Variants in CSMD1 observed in about 807,000 individuals in gnomAD.
The protein encoded by CSMD1 is CUB and Sushi multiple domains 1, also known as CUB and sushi domain-containing protein 1.
CSMD1 carries 213 observed loss-of-function variants against 417.5 expected under a neutral mutation model. The ratio of observed to expected loss-of-function variants is 0.51; its 90% CI spans 0.46 to 0.57. CSMD1 has a LOEUF of 0.57. Ranked by LOEUF, CSMD1 falls within the 20% of genes least tolerant of loss-of-function variation. CSMD1 has a pLI of 0.00. For synonymous variants in CSMD1, 2,862 were observed against 1,736.8 expected, an observed-to-expected ratio of 1.65 and a Z score of -16.11; for missense variants, 6,923 against 4,529.7, an observed-to-expected ratio of 1.53 and a Z score of -15.17.
chr8:4,046,798 G>C (rs568113270), intron 3 of CSMD1, among the ~76,000 whole-genome samples: 1 of 152,228 alleles, frequency 6.6e-6, no homozygotes, highest in Non-Finnish European at 1.5e-5. Flanking sequence ...GGGAGCAAGT[G>C]AACTAACAAT....
intron 3 of CSMD1, among the ~76,000 whole-genome samples, chr8:4,294,533 G>C (rs549805472): frequency 6.6e-6 from 1 of 152,118 alleles, no homozygotes; most frequent in African/African-American, 2.4e-5. Flanking sequence ...TTGCAGATGA[G>C]CAAACACAAA....
At chr8:2,979,616 G>A (rs1036358997) in intron 54 of CSMD1, among the ~76,000 whole-genome samples, 3 of 152,186 alleles carry the variant, frequency 2.0e-5, no homozygotes, top group East Asian at 1.9e-4. Context: ...AATGAATCTC[G>A]GGCGGCCTCT....
At chr8:4,663,676 T>C (rs1804748334) in intron 1 of CSMD1, among the ~76,000 whole-genome samples, 2 of 152,190 alleles carry the variant, frequency 1.3e-5, no homozygotes, top group South Asian at 2.1e-4. Flanking sequence ...TCCCCAGCCA[T>C]GCTTCCGGTC....
chr8:4,894,631 T>C (rs1366174636), intron 1 of CSMD1, among the ~76,000 whole-genome samples: 2 of 152,042 alleles, frequency 1.3e-5, no homozygotes, highest in Non-Finnish European at 2.9e-5. Context: ...TTATCATTTA[T>C]CTGCAAATAT....
At chr8:4,427,677 A>C (rs1797641818) in intron 2 of CSMD1, among the ~76,000 whole-genome samples, 1 of 152,172 alleles carries the variant, frequency 6.6e-6, no homozygotes, top group African/African-American at 2.4e-5. Context: ...AGAAAATAGT[A>C]CCTATTACAT....
chr8:4,731,605 A>G (rs1351340554), intron 1 of CSMD1, among the ~76,000 whole-genome samples: 1 of 152,192 alleles, frequency 6.6e-6, no homozygotes, highest in Non-Finnish European at 1.5e-5. Context: ...AAACTGAATA[A>G]AAATCAACCC....
intron 10 of CSMD1, among the ~76,000 whole-genome samples, chr8:3,550,945 C>T (rs1248896911): frequency 1.3e-5 from 2 of 152,158 alleles, no homozygotes; most frequent in African/African-American, 4.8e-5. Flanking sequence ...TTTCTCTCAT[C>T]AGATGACAAA....
At chr8:3,453,559 T>C (rs1658693687) in intron 12 of CSMD1, among the ~76,000 whole-genome samples, 1 of 152,216 alleles carries the variant, frequency 6.6e-6, no homozygotes, top group Admixed American at 6.5e-5. Flanking sequence ...CTACCTTCAT[T>C]TCGTTATGTA....
intron 1 of CSMD1, among the ~76,000 whole-genome samples, chr8:4,854,776 C>G (rs1157792180): frequency 3.3e-5 from 5 of 152,188 alleles, no homozygotes; most frequent in Non-Finnish European, 5.9e-5. Flanking sequence ...CCCACAGAGT[C>G]TCGCTGATTG....
intron 1 of CSMD1, among the ~76,000 whole-genome samples, chr8:4,643,525 AG>A (rs1803335241): frequency 6.6e-6 from 1 of 152,292 alleles, no homozygotes; most frequent in South Asian, 2.1e-4. Flanking sequence ...CATAAAATAA[AG>A]AAAAAATAAA....
At chr8:4,006,192 G>A (rs138646485) in intron 4 of CSMD1, among the ~76,000 whole-genome samples, 2 of 152,270 alleles carry the variant, frequency 1.3e-5, no homozygotes, top group Admixed American at 6.5e-5. Context: ...GCATTCTCAT[G>A]CAGTTGCTGA....
At chr8:4,566,946 G>T (rs1171284704) in intron 2 of CSMD1, among the ~76,000 whole-genome samples, 1 of 113,732 alleles carries the variant, frequency 8.8e-6, no homozygotes. Context: ...AATAACTCTA[G>T]CAATCGAGAC....
At chr8:3,308,732 G>GTTTTTTTTT (rs5888961) in intron 23 of CSMD1, among the ~76,000 whole-genome samples, 25 of 108,952 alleles carry the variant, frequency 2.3e-4, no homozygotes, top group East Asian at 3.3e-4. Context: ...CTACTTACAA[G>GTTTTTTTTT]TTTTTTTTTT....
intron 1 of CSMD1, among the ~76,000 whole-genome samples, chr8:4,693,337 G>A (rs780453837): frequency 6.8e-4 from 104 of 152,330 alleles, no homozygotes; most frequent in Admixed American, 1.4e-3. Flanking sequence ...GTGATACAGG[G>A]ATGCATGGTG....
intron 10 of CSMD1, among the ~76,000 whole-genome samples, chr8:3,526,317 A>T (rs1474074862): frequency 1.3e-5 from 2 of 150,094 alleles, no homozygotes; most frequent in Non-Finnish European, 3.0e-5. Flanking sequence ...TTTAAAATAT[A>T]TTTTTTTTTT....
chr8:4,067,137 C>G (rs190369621), intron 3 of CSMD1, among the ~76,000 whole-genome samples: 47 of 152,316 alleles, frequency 3.1e-4, no homozygotes, highest in Admixed American at 3.0e-3. Context: ...TCACTTCATG[C>G]AAAACCAAAG....
intron 3 of CSMD1, among the ~76,000 whole-genome samples, chr8:4,248,189 TCATGA>T (rs1284272360): frequency 1.3e-5 from 2 of 152,190 alleles, no homozygotes; most frequent in African/African-American, 4.8e-5. Context: ...CCTGGAAATT[TCATGA>T]CATGACATGA....
chr8:3,897,267 C>A (rs1807432616), intron 5 of CSMD1, among the ~76,000 whole-genome samples: 1 of 152,108 alleles, frequency 6.6e-6, no homozygotes, highest in Admixed American at 6.5e-5. Flanking sequence ...CATAGTGTGA[C>A]TAGCAATTTT....
At chr8:4,154,095 G>T (rs900599426) in intron 3 of CSMD1, among the ~76,000 whole-genome samples, 8 of 152,184 alleles carry the variant, frequency 5.3e-5, no homozygotes, top group East Asian at 3.9e-4. Flanking sequence ...TGAAAATACA[G>T]CAAAGAGTCA....
Sources: gnomAD v4.1 joint callset for allele counts (sites outside exome capture counted in the v4.1 genomes callset) on GRCh38, gnomAD v4.1.1 for gene constraint, MANE v1.5 for transcripts, NCBI Gene and HGNC (gene_info 2026-07-23, HGNC 2026-07-21) for gene names.